Variants in ABCG1 observed in about 807,000 individuals in gnomAD.
ABCG1 encodes the protein ATP-binding cassette sub-family G member 1.
A neutral mutation model predicts 69.2 loss-of-function variants in ABCG1; 29 were observed. That is an observed-to-expected ratio of 0.42 (90% confidence interval 0.31 to 0.57). The LOEUF is 0.57. Among genes scored for constraint, ABCG1 ranks in the 20% least tolerant of loss-of-function variants. The probability of loss-of-function intolerance (pLI) is 0.15; values close to 1 mark genes in which losing one functional copy is unlikely to be tolerated. For synonymous variants in ABCG1, 370 were observed against 374.8 expected (o/e 0.99, Z 0.15); for missense variants, 718 against 898.1 (o/e 0.80, Z 2.56).
chr21:42,296,153 T>C lies in ABCG1; in HGVS notation c.1773-11T>C, dbSNP rs747745722. 1 of 1,611,372 alleles carries C rather than the reference T, an allele frequency of 6.2e-7. No homozygotes were observed. The highest frequency in any genetic ancestry group is 2.2e-5 in the East Asian group (1 of 44,842). ...AGAACGTCCTCCCTCATGCCTGGCC[T>C]TTCCTCCTAGGTATGGGTTCGAAGG... On this transcript the variant is annotated splice_polypyrimidine_tract_variant and intron_variant, in intron 14 of 14. Transcript: ENST00000398449. This position sits in a 1 kb window ranked among gnomAD's most constrained non-coding sequence, Gnocchi z 5.4.
At chr21:42,209,385 G>A (rs983059893) in intron 2 of ABCG1, among the ~76,000 whole-genome samples, 3 of 152,234 alleles carry the variant, frequency 2.0e-5, no homozygotes, top group African/African-American at 7.2e-5. Context: ...ACTCGAGGTT[G>A]TCCAAACATA....
chr21:42,245,064 A>G (rs1249555211), intron 2 of ABCG1, among the ~76,000 whole-genome samples: 2 of 152,336 alleles, frequency 1.3e-5, no homozygotes, highest in South Asian at 2.1e-4. Context: ...TCAGGCCTGC[A>G]GTGGGAGCTG....
intron 2 of ABCG1, among the ~76,000 whole-genome samples, chr21:42,245,399 C>A (rs1392550156): frequency 5.3e-5 from 8 of 152,196 alleles, no homozygotes; most frequent in Non-Finnish European, 1.0e-4. Context: ...GGCATTCAGT[C>A]CAGATACAAG....
At chr21:42,294,053 C>A (rs571750251) in intron 13 of ABCG1, among the ~76,000 whole-genome samples, 1 of 152,172 alleles carries the variant, frequency 6.6e-6, no homozygotes, top group African/African-American at 2.4e-5. Flanking sequence ...TCACTGTGAA[C>A]CCTGAGTCGC....
chr21:42,280,637 G>C (rs2068791164), intron 5 of ABCG1, among the ~76,000 whole-genome samples: 1 of 152,242 alleles, frequency 6.6e-6, no homozygotes, highest in Non-Finnish European at 1.5e-5. Flanking sequence ...TGGAGAAAGT[G>C]GGGTGGGCCC....
chr21:42,261,068 G>T (rs571861518), intron 2 of ABCG1, among the ~76,000 whole-genome samples: 12 of 151,978 alleles, frequency 7.9e-5, no homozygotes, highest in Non-Finnish European at 2.9e-5. Context: ...TGATCCACCC[G>T]CCTCGGCCTC....
chr21:42,290,549 G>T lies in ABCG1; in HGVS notation c.1393+331G>T, dbSNP rs137939186. Among the ~76,000 whole-genome samples the T allele has an allele frequency of 2.3e-3, 355 of 152,324 alleles. 3 individuals carry two copies. Among genetic ancestry groups the T allele is most frequent in the South Asian group, 0.015 (73 of 4,826 alleles). ...ATTACCTAGTTCAATTGTTAAGATA[G>T]CTCTGCACAGCCCACTTCGGGAGCA... On this transcript the variant is annotated intron_variant, in intron 11 of 14. Transcript: ENST00000398449.
chr21:42,205,150 G>A (rs2067533667), intron 2 of ABCG1, among the ~76,000 whole-genome samples: 1 of 151,998 alleles, frequency 6.6e-6, no homozygotes, highest in Admixed American at 6.6e-5. Flanking sequence ...CATCTGAGTT[G>A]TCAAATGCAT....
intron 2 of ABCG1, among the ~76,000 whole-genome samples, chr21:42,255,821 G>A (rs1020580514): frequency 1.3e-5 from 2 of 152,140 alleles, no homozygotes; most frequent in Non-Finnish European, 2.9e-5. Flanking sequence ...TTCTCCTGCC[G>A]TGGCCTCTCG....
intron 2 of ABCG1, among the ~76,000 whole-genome samples, chr21:42,263,962 C>G (rs1318178738): frequency 6.6e-6 from 1 of 152,208 alleles, no homozygotes; most frequent in Non-Finnish European, 1.5e-5. Context: ...CTTCCAGTAA[C>G]CATTGTGCAG....
chr21:42,205,066 T>C (rs931294471), intron 2 of ABCG1, among the ~76,000 whole-genome samples: 1 of 151,976 alleles, frequency 6.6e-6, no homozygotes, highest in Non-Finnish European at 1.5e-5. Context: ...TTCTTAATAG[T>C]TATGAGACTA....
At chr21:42,204,614 T>A (rs935133604) in intron 2 of ABCG1, among the ~76,000 whole-genome samples, 8 of 152,350 alleles carry the variant, frequency 5.3e-5, no homozygotes, top group Middle Eastern at 3.4e-3. Flanking sequence ...ATATAATTTT[T>A]AAAATATATT....
At chr21:42,272,040 A>T (rs1475559885) in intron 3 of ABCG1, among the ~76,000 whole-genome samples, 1 of 152,238 alleles carries the variant, frequency 6.6e-6, no homozygotes, top group Non-Finnish European at 1.5e-5. Context: ...TTCATGTCTG[A>T]TTGGTTTTAT....
At position 42,288,886 on chromosome 21, in the gene ABCG1, G is replaced by A. The variant is rs1160482264; in HGVS notation, c.1224+574G>A. 6.6e-6 allele frequency among the ~76,000 whole-genome samples: 1 copy of A among 152,134 alleles called. No individual in the cohort carries two copies. The highest frequency in any genetic ancestry group is 1.5e-5 in the Non-Finnish European group (1 of 68,034). On this transcript the variant is annotated intron_variant, in intron 10 of 14. Coordinates refer to ENST00000398449, the MANE Select transcript of ABCG1 (RefSeq NM_016818.3). The surrounding 1 kb of genome is among the most constrained non-coding windows in gnomAD (Gnocchi z 4.8). Reference sequence around the variant, plus strand: ...GCTGTGTAAGAAGCATGGCCGGGGAGCCCTCAGGAAACTTTCAATCATGGT... The same window carrying A: ...GCTGTGTAAGAAGCATGGCCGGGGAACCCTCAGGAAACTTTCAATCATGGT...
At chr21:42,294,415 C>T (rs2069162835) in intron 13 of ABCG1, 127 bp from the exon 14 acceptor site, 5 of 739,196 alleles carry the variant, frequency 6.8e-6, no homozygotes, top group South Asian at 4.5e-5. Flanking sequence ...CCACATTAAG[C>T]ATCATCATTA....
chr21:42,272,648 G>A (rs1199074260), intron 3 of ABCG1, among the ~76,000 whole-genome samples: 1 of 152,256 alleles, frequency 6.6e-6, no homozygotes, highest in African/African-American at 2.4e-5. Flanking sequence ...CAGAACGGCA[G>A]GCAGCAGAGG....
chr21:42,296,413 C>T lies in ABCG1; in HGVS notation c.*21C>T. 6.2e-7 allele frequency: 1 copy of T among 1,603,042 alleles called. No homozygotes were observed. The highest frequency in any genetic ancestry group is 8.5e-7 in the Non-Finnish European group (1 of 1,173,592). ...GGTAAAACACCTGAATGCCAGGAAA[C>T]AGGAAGATTAGACACTGTGGCCGAG... On this transcript the variant is annotated 3_prime_UTR_variant, in exon 15 of 15. Coordinates refer to ENST00000398449, the MANE Select transcript of ABCG1 (RefSeq NM_016818.3). This position sits in a 1 kb window ranked among gnomAD's most constrained non-coding sequence, Gnocchi z 5.4.
At chr21:42,248,315 A>G (rs2068163939) in intron 2 of ABCG1, among the ~76,000 whole-genome samples, 2 of 151,942 alleles carry the variant, frequency 1.3e-5, no homozygotes, top group African/African-American at 4.8e-5. Context: ...CTGTTGCAGG[A>G]CTCCTGGGAC....
intron 2 of ABCG1, among the ~76,000 whole-genome samples, chr21:42,265,575 G>A (rs2068488898): frequency 6.6e-6 from 1 of 152,178 alleles, no homozygotes; most frequent in Non-Finnish European, 1.5e-5. Flanking sequence ...GACAGGGGAG[G>A]TCCTCCCCTA....
Sources: allele counts gnomAD v4.1 joint callset (sites outside exome capture counted in the v4.1 genomes callset), GRCh38; gene constraint gnomAD v4.1.1; non-coding constraint Gnocchi (gnomAD v3.1); transcripts MANE v1.5; gene names NCBI Gene and HGNC (gene_info 2026-07-23, HGNC 2026-07-21).